Variants in SUPT3H observed in about 807,000 individuals in gnomAD.
The protein encoded by SUPT3H is SPT3 homolog, SAGA and STAGA complex component.
A neutral mutation model predicts 44.3 loss-of-function variants in SUPT3H; 44 were observed. That is an observed-to-expected ratio of 0.99 (90% CI 0.78 to 1.28). The LOEUF is 1.28. SUPT3H is among the 50% of genes most tolerant of loss of function. The pLI is 0.00. For synonymous variants in SUPT3H, 124 were observed against 125.6 expected, an observed-to-expected ratio of 0.99 and a Z score of 0.09; for missense variants, 380 against 387.1, an observed-to-expected ratio of 0.98 and a Z score of 0.15.
rs74355591 is a variant in SUPT3H, at chr6:45,275,625, T to C, written c.101+89576A>G. On this transcript the variant is annotated intron_variant, in intron 2 of 10. Coordinates refer to ENST00000371459, the MANE Select transcript of SUPT3H (RefSeq NM_003599.4). The stretch of plus-strand genomic sequence containing the variant: ...AAAATTCCACTGGAGGAAAAACTGG[T>C]GAAATTTAAATAAGGCCTGTAATTT... 1.6e-3 allele frequency among the ~76,000 whole-genome samples: 246 copies of C among 152,250 alleles called. 2 individuals are homozygous for C. Among genetic ancestry groups the C allele is most frequent in the African/African-American group, 5.6e-3 (232 of 41,578 alleles).
chr6:45,324,614 GT>G (rs1191125244), intron 2 of SUPT3H, among the ~76,000 whole-genome samples: 1 of 150,936 alleles, frequency 6.6e-6, no homozygotes, highest in Non-Finnish European at 1.5e-5. Context: ...AGAGAGATTG[GT>G]AGAGAGAGAG....
intron 2 of SUPT3H, among the ~76,000 whole-genome samples, chr6:45,114,283 G>C (rs1313993277): frequency 6.6e-6 from 1 of 151,954 alleles, no homozygotes; most frequent in African/African-American, 2.4e-5. Context: ...ACAAAAAAAT[G>C]AGTCAAGTTT....
chr6:44,963,748 C>A (rs1397088665), intron 6 of SUPT3H, among the ~76,000 whole-genome samples: 1 of 151,934 alleles, frequency 6.6e-6, no homozygotes, highest in Middle Eastern at 3.2e-3. Flanking sequence ...GCCTATAATC[C>A]CAGCACTTTC....
At chr6:45,162,639 C>T (rs1253194074) in intron 2 of SUPT3H, among the ~76,000 whole-genome samples, 1 of 152,114 alleles carries the variant, frequency 6.6e-6, no homozygotes, top group East Asian at 1.9e-4. Context: ...AGGTAAGAGG[C>T]GGTACCTAAC....
rs1331126990 is a variant in SUPT3H at position 44,827,814 on chromosome 6, C to A, written c.*2002G>T. On this transcript the variant is annotated 3_prime_UTR_variant, in exon 11 of 11. Transcript: ENST00000371459. The stretch of plus-strand genomic sequence containing the variant: ...AAATGACCTTGCTTTATTCTAAATT[C>A]AGCTTACTGGCTTATGATGAAAAAT... Among the ~76,000 whole-genome samples, 1 of 151,334 alleles carries A rather than the reference C, an allele frequency of 6.6e-6. No individual in the cohort carries two copies. The highest frequency in any genetic ancestry group is 1.5e-5 in the Non-Finnish European group (1 of 67,848).
intron 10 of SUPT3H, among the ~76,000 whole-genome samples, chr6:44,922,058 G>A (rs1768815538): frequency 6.6e-6 from 1 of 152,236 alleles, no homozygotes; most frequent in Non-Finnish European, 1.5e-5. Flanking sequence ...TCAGGTGGGA[G>A]AACCTATCCA....
chr6:44,963,280 T>C (rs1279861495), intron 6 of SUPT3H, among the ~76,000 whole-genome samples: 2 of 152,120 alleles, frequency 1.3e-5, no homozygotes, highest in African/African-American at 4.8e-5. Flanking sequence ...GGTGGATCAC[T>C]TGAAGGCAGC....
rs182331196 is a variant in SUPT3H, at chr6:44,904,953, C to A, written c.912+27700G>T. Among the ~76,000 whole-genome samples, 704 of 152,280 alleles carry A rather than the reference C, an allele frequency of 4.6e-3. 10 individuals are homozygous for A. The highest frequency in any genetic ancestry group is 0.016 in the African/African-American group (673 of 41,566). On this transcript the variant is annotated intron_variant, in intron 10 of 10. Transcript: ENST00000371459. ...CCTGTTAAATTAATGGTGCTGGGAACACTGGCTGGCCATATGTAGAAAGCT... is the reference window on the plus strand; with the variant it reads ...CCTGTTAAATTAATGGTGCTGGGAAAACTGGCTGGCCATATGTAGAAAGCT...
chr6:45,346,567 C>CTTTTTTTTT (rs71745024), intron 2 of SUPT3H, among the ~76,000 whole-genome samples: 4 of 140,428 alleles, frequency 2.8e-5, no homozygotes, highest in Non-Finnish European at 4.6e-5. Context: ...ATAAACATTT[C>CTTTTTTTTT]TTTTTTTTTT....
At chr6:45,240,797 C>A (rs1316896053) in intron 2 of SUPT3H, among the ~76,000 whole-genome samples, 1 of 152,104 alleles carries the variant, frequency 6.6e-6, no homozygotes, top group East Asian at 1.9e-4. Flanking sequence ...GGCACCTCAA[C>A]CTCAGATGAT....
intron 3 of SUPT3H, 108 bp from the exon 4 acceptor site, chr6:45,020,740 G>T: frequency 1.5e-6 from 1 of 661,772 alleles, no homozygotes; most frequent in Non-Finnish European, 2.4e-6. Flanking sequence ...AAACCTTTGG[G>T]AAATAATCCA....
intron 3 of SUPT3H, among the ~76,000 whole-genome samples, chr6:45,037,450 C>T (rs960079640): frequency 6.7e-6 from 1 of 149,172 alleles, no homozygotes; most frequent in Non-Finnish European, 1.5e-5. Flanking sequence ...AGTTAGAGAC[C>T]AGCCTGGCCG....
chr6:45,371,839 G>C (rs939303722), intron 1 of SUPT3H: 1 of 984,266 alleles, frequency 1.0e-6, no homozygotes, highest in Non-Finnish European at 1.2e-6. Context: ...GCAGACTTCA[G>C]AACTACAGTT....
intron 2 of SUPT3H, among the ~76,000 whole-genome samples, chr6:45,228,379 T>A (rs975371253): frequency 2.6e-5 from 4 of 152,158 alleles, no homozygotes; most frequent in Non-Finnish European, 5.9e-5. Context: ...CTCCTCCAAG[T>A]AAGAGAGAAT....
At chr6:45,071,866 T>C (rs1241142321) in intron 3 of SUPT3H, among the ~76,000 whole-genome samples, 1 of 152,212 alleles carries the variant, frequency 6.6e-6, no homozygotes, top group African/African-American at 2.4e-5. Flanking sequence ...AATGCAAGGC[T>C]GTTGGTATTC....
At chr6:45,359,358 C>G (rs1040517883) in intron 2 of SUPT3H, among the ~76,000 whole-genome samples, 1 of 152,078 alleles carries the variant, frequency 6.6e-6, no homozygotes, top group African/African-American at 2.4e-5. Flanking sequence ...TGCCTTTATA[C>G]ATATTCTCAC....
rs1771619484 is a variant in SUPT3H, at chr6:45,247,704, T to TG, written c.101+117496dup. Reference sequence around the variant, plus strand: ...ATTCTTTTTCCATTTTTTTTTTTTTTGTAGACATAGAAACCCAATTCTAAC... The same window carrying TG: ...ATTCTTTTTCCATTTTTTTTTTTTTTGGTAGACATAGAAACCCAATTCTAAC... On this transcript the variant is annotated intron_variant, in intron 2 of 10. Coordinates refer to ENST00000371459, the MANE Select transcript of SUPT3H (RefSeq NM_003599.4). Among the ~76,000 whole-genome samples, 4 of 150,876 alleles carry TG rather than the reference T, an allele frequency of 2.7e-5. No homozygotes were observed. The South Asian group carries it at 8.4e-4, about 32-fold the overall frequency.
intron 6 of SUPT3H, among the ~76,000 whole-genome samples, chr6:44,998,401 T>G (rs941731734): frequency 1.3e-5 from 2 of 151,990 alleles, no homozygotes; most frequent in African/African-American, 4.8e-5. Context: ...ATAAATTGGT[T>G]ACTAAATTAT....
chr6:45,278,651 G>A (rs931244583), intron 2 of SUPT3H, among the ~76,000 whole-genome samples: 2 of 152,104 alleles, frequency 1.3e-5, no homozygotes, highest in African/African-American at 4.8e-5. Context: ...ACTAAATGTT[G>A]ATTTCATTTT....
Sources: gnomAD v4.1 joint callset for allele counts (sites outside exome capture counted in the v4.1 genomes callset) on GRCh38, gnomAD v4.1.1 for gene constraint, MANE v1.5 for transcripts, NCBI Gene and HGNC (gene_info 2026-07-23, HGNC 2026-07-21) for gene names.